Variants in BMAL2 observed in about 807,000 individuals in gnomAD.
BMAL2 encodes basic helix-loop-helix ARNT like 2.
chr12:27,399,257 C>T, the BMAL2 span, among the ~76,000 whole-genome samples: 2 of 152,238 alleles, frequency 1.3e-5, no homozygotes, highest in East Asian at 3.8e-4. Context: ...TCAGTTCTCA[C>T]TGGTCATTCC....
At chr12:27,360,321 A>C in the BMAL2 span, among the ~76,000 whole-genome samples, 2 of 152,134 alleles carry the variant, frequency 1.3e-5, no homozygotes, top group Non-Finnish European at 2.9e-5. Flanking sequence ...GCAGGTGCTA[A>C]ATGCATTGTG....
At chr12:27,423,058 G>A in the BMAL2 span, 2 of 152,162 alleles carry the variant, frequency 1.3e-5, no homozygotes, top group Non-Finnish European at 2.9e-5. Context: ...ATATTTTTCT[G>A]TAGATCCTTT....
chr12:27,403,570 A>C, the BMAL2 span: 2 of 1,369,394 alleles, frequency 1.5e-6, no homozygotes, highest in Non-Finnish European at 1.0e-6. Context: ...AAATATTTTC[A>C]AAAGTAAAAA....
chr12:27,359,045 A>C, the BMAL2 span, among the ~76,000 whole-genome samples: 1 of 151,992 alleles, frequency 6.6e-6, no homozygotes, highest in Non-Finnish European at 1.5e-5. Context: ...CATTACCACA[A>C]ACCTATAAAA....
the BMAL2 span, among the ~76,000 whole-genome samples, chr12:27,360,972 A>T: frequency 3.7e-3 from 566 of 152,278 alleles, 4 homozygotes; most frequent in African/African-American, 0.013. Flanking sequence ...ACCAAAAGTT[A>T]TTTACAAGAT....
At chr12:27,347,233 C>G in the BMAL2 span, among the ~76,000 whole-genome samples, 5 of 152,132 alleles carry the variant, frequency 3.3e-5, no homozygotes, top group Admixed American at 2.0e-4. Context: ...GAATGTCACA[C>G]AGGGAAGTGA....
At chr12:27,421,101 T>A in the BMAL2 span, 2 of 152,226 alleles carry the variant, frequency 1.3e-5, no homozygotes, top group Non-Finnish European at 2.9e-5. Context: ...AGAGCTGGGA[T>A]ATTTATGCTC....
chr12:27,396,227 C>T, the BMAL2 span, among the ~76,000 whole-genome samples: 3 of 152,240 alleles, frequency 2.0e-5, no homozygotes, highest in Admixed American at 6.5e-5. Context: ...TAGGATCACC[C>T]GTGGCTCATG....
chr12:27,401,754 C>A, the BMAL2 span: 2 of 1,051,584 alleles, frequency 1.9e-6, no homozygotes, highest in Non-Finnish European at 2.7e-6. Context: ...CTTGCTAAAC[C>A]ATTAAAACTG....
chr12:27,349,147 C>T, the BMAL2 span, among the ~76,000 whole-genome samples: 1 of 152,138 alleles, frequency 6.6e-6, no homozygotes, highest in Non-Finnish European at 1.5e-5. Flanking sequence ...GAGGCCATTG[C>T]CTGGGTTACT....
the BMAL2 span, among the ~76,000 whole-genome samples, chr12:27,410,350 G>A: frequency 6.6e-6 from 1 of 152,170 alleles, no homozygotes; most frequent in Non-Finnish European, 1.5e-5. Flanking sequence ...CAAGCCAAAT[G>A]TCCAACAATG....
chr12:27,410,698 A>C, the BMAL2 span, among the ~76,000 whole-genome samples: 2 of 152,324 alleles, frequency 1.3e-5, no homozygotes, highest in Non-Finnish European at 2.9e-5. Context: ...ATACATATGT[A>C]AGAAACCTGC....
the BMAL2 span, chr12:27,389,361 TAC>T: frequency 5.4e-6 from 6 of 1,112,738 alleles, no homozygotes; most frequent in Non-Finnish European, 6.6e-6. Context: ...AAAGTTTAGC[TAC>T]ACAGTGTTTT....
At chr12:27,345,362 T>C in the BMAL2 span, among the ~76,000 whole-genome samples, 1 of 152,220 alleles carries the variant, frequency 6.6e-6, no homozygotes, top group Non-Finnish European at 1.5e-5. Flanking sequence ...CTGTTTTAAG[T>C]TCTGTTTTTT....
At chr12:27,411,190 C>T in the BMAL2 span, among the ~76,000 whole-genome samples, 6 of 151,978 alleles carry the variant, frequency 3.9e-5, no homozygotes, top group African/African-American at 4.8e-5. Context: ...TGCAGCGGTG[C>T]GATCATGGCT....
At chr12:27,406,111 G>A in the BMAL2 span, among the ~76,000 whole-genome samples, 2 of 152,194 alleles carry the variant, frequency 1.3e-5, no homozygotes, top group African/African-American at 4.8e-5. Flanking sequence ...CCAAATCTAC[G>A]TCTGATTGGT....
At chr12:27,356,005 G>A in the BMAL2 span, among the ~76,000 whole-genome samples, 1 of 152,162 alleles carries the variant, frequency 6.6e-6, no homozygotes, top group Non-Finnish European at 1.5e-5. Context: ...CTTCTGTGAT[G>A]TTTTAATATT....
At chr12:27,339,871 T>A in the BMAL2 span, among the ~76,000 whole-genome samples, 14 of 152,300 alleles carry the variant, frequency 9.2e-5, no homozygotes, top group Admixed American at 9.2e-4. Context: ...GCTTTTTTTT[T>A]AATATGCTTG....
At chr12:27,340,254 A>T in the BMAL2 span, among the ~76,000 whole-genome samples, 1 of 152,122 alleles carries the variant, frequency 6.6e-6, no homozygotes, top group Non-Finnish European at 1.5e-5. Flanking sequence ...TAAGTCTTTA[A>T]TCCATCTTGA....
Sources: allele counts gnomAD v4.1 joint callset (sites outside exome capture counted in the v4.1 genomes callset), GRCh38; gene constraint gnomAD v4.1.1; transcripts MANE v1.5; gene names NCBI Gene and HGNC (gene_info 2026-07-23, HGNC 2026-07-21).